MAPK10: variants seen among roughly 807,000 people sequenced by gnomAD.
MAPK10 encodes JNK3 alpha protein kinase.
In MAPK10, 25 loss-of-function variants were observed where a neutral mutation model predicts 59.3. The ratio of observed to expected loss-of-function variants is 0.42; its 90% CI spans 0.31 to 0.59. The LOEUF is 0.59. MAPK10 is among the 20% of genes least tolerant of loss of function. The pLI is 0.15. For synonymous variants in MAPK10, 190 were observed against 200.5 expected, an observed-to-expected ratio of 0.95 and a Z score of 0.44; for missense variants, 351 against 568.9, an observed-to-expected ratio of 0.62 and a Z score of 3.90.
chr4:86,262,406 G>T (rs2094027773), intron 2 of MAPK10, among the ~76,000 whole-genome samples: 1 of 152,134 alleles, frequency 6.6e-6, no homozygotes, highest in African/African-American at 2.4e-5. Flanking sequence ...CCCTGTTGTA[G>T]CCGCATAAAG....
At chr4:86,312,428 A>G (rs1279730934) in intron 2 of MAPK10, among the ~76,000 whole-genome samples, 1 of 152,106 alleles carries the variant, frequency 6.6e-6, no homozygotes, top group African/African-American at 2.4e-5. Flanking sequence ...CTCACCGTAT[A>G]TATAAAGCAA....
intron 11 of MAPK10, among the ~76,000 whole-genome samples, chr4:86,047,698 C>G (rs1306952971): frequency 6.6e-6 from 1 of 152,062 alleles, no homozygotes; most frequent in East Asian, 1.9e-4. Flanking sequence ...TGTAAAACAC[C>G]CTTCTTACTA....
intron 2 of MAPK10, among the ~76,000 whole-genome samples, chr4:86,348,897 A>G (rs1485752308): frequency 6.6e-6 from 1 of 151,990 alleles, no homozygotes; most frequent in Non-Finnish European, 1.5e-5. Flanking sequence ...AAAACACTAT[A>G]ATTTTTCTTG....
intron 1 of MAPK10, among the ~76,000 whole-genome samples, chr4:86,508,824 A>T (rs1325827377): frequency 6.6e-6 from 1 of 152,198 alleles, no homozygotes; most frequent in African/African-American, 2.4e-5. Context: ...TTTGCTCTGG[A>T]GAAATTAGTC....
At chr4:86,197,047 T>G (rs1395018314) in intron 2 of MAPK10, among the ~76,000 whole-genome samples, 1 of 152,178 alleles carries the variant, frequency 6.6e-6, no homozygotes, top group African/African-American at 2.4e-5. Context: ...ATATGGGCTC[T>G]TTTTTGGTTC....
At chr4:86,189,610 CTT>C (rs1318908004) in intron 3 of MAPK10, among the ~76,000 whole-genome samples, 3 of 152,136 alleles carry the variant, frequency 2.0e-5, no homozygotes, top group African/African-American at 7.2e-5. Context: ...TATCTTGAGA[CTT>C]TGCTGAAGTT....
At chr4:86,544,453 G>C (rs1313184773) in intron 1 of MAPK10, among the ~76,000 whole-genome samples, 1 of 152,164 alleles carries the variant, frequency 6.6e-6, no homozygotes, top group Non-Finnish European at 1.5e-5. Context: ...GAGCAGTGTA[G>C]GAAGCCACAA....
chr4:86,216,853 A>G (rs2148625830), intron 2 of MAPK10, among the ~76,000 whole-genome samples: 1 of 152,274 alleles, frequency 6.6e-6, no homozygotes, highest in Middle Eastern at 3.4e-3. Flanking sequence ...TATAGATAGA[A>G]ATATGCACAT....
intron 1 of MAPK10, among the ~76,000 whole-genome samples, chr4:86,474,753 A>G (rs539439612): frequency 3.9e-4 from 60 of 152,344 alleles, no homozygotes; most frequent in African/African-American, 1.4e-3. Flanking sequence ...AAATGAAGGA[A>G]TTAATAAATG....
At chr4:86,189,974 C>T (rs755894938) in intron 3 of MAPK10, among the ~76,000 whole-genome samples, 8 of 152,058 alleles carry the variant, frequency 5.3e-5, no homozygotes, top group East Asian at 1.9e-4. Context: ...TGAATTTTAT[C>T]GAAGGCCTTT....
chr4:86,263,301 A>G (rs1457899562), intron 2 of MAPK10, among the ~76,000 whole-genome samples: 8 of 152,118 alleles, frequency 5.3e-5, no homozygotes, highest in Non-Finnish European at 1.2e-4. Flanking sequence ...CAACTGGAAT[A>G]CCTTTTCTTT....
In MAPK10 at chr4:86,478,558, A is replaced by G. The variant is rs548847420; in HGVS notation, c.-263+115352T>C. On this transcript the variant is annotated intron_variant, in intron 1 of 4. Coordinates refer to the MAPK10 transcript ENST00000502302. ...ATTTTCTTCCTCACACCTGACACAT[A>G]TACTTTCTGCTCCCCGGCTCCTTCA... Among the ~76,000 whole-genome samples, 14 of 152,194 alleles carry G rather than the reference A, an allele frequency of 9.2e-5. No individual in the cohort carries two copies. The South Asian group carries it at 2.1e-3, about 23-fold the overall frequency.
At position 86,158,082 on chromosome 4, in the gene MAPK10, T is replaced by C. The variant is rs188438560; in HGVS notation, c.236+1216A>G. On this transcript the variant is annotated intron_variant, in intron 4 of 13. Transcript: ENST00000641462. ...AGAGTTACAGCAATTGTCTTAATAT[T>C]AGAATCTTTACTATACCATGTGCAT... Among the ~76,000 whole-genome samples the C allele has an allele frequency of 1.4e-4, 21 of 152,122 alleles. 1 individual carries two copies. The East Asian group carries it at 3.1e-3, about 22-fold the overall frequency.
At chr4:86,580,220 C>T (rs1171104702) in intron 1 of MAPK10, among the ~76,000 whole-genome samples, 5 of 152,044 alleles carry the variant, frequency 3.3e-5, no homozygotes, top group African/African-American at 4.8e-5. Context: ...AAAAGTTGGC[C>T]GGACGCTGTG....
intron 9 of MAPK10, among the ~76,000 whole-genome samples, chr4:86,086,838 T>A (rs1009521870): frequency 7.2e-5 from 11 of 152,184 alleles, no homozygotes; most frequent in African/African-American, 2.4e-4. Flanking sequence ...TTATTTGATA[T>A]TCAGTGTTCA....
chr4:86,556,049 C>T (rs1442211512), intron 1 of MAPK10, among the ~76,000 whole-genome samples: 7 of 152,146 alleles, frequency 4.6e-5, no homozygotes, highest in Non-Finnish European at 1.0e-4. Flanking sequence ...TTTTACAGTC[C>T]ATTGCATTTT....
intron 4 of MAPK10, among the ~76,000 whole-genome samples, chr4:86,148,949 T>C (rs1000430344): frequency 2.6e-5 from 4 of 152,146 alleles, no homozygotes; most frequent in African/African-American, 7.2e-5. Context: ...AGATGATCAA[T>C]AAAAGGTTAG....
chr4:86,262,184 T>C (rs1031389308), intron 2 of MAPK10, among the ~76,000 whole-genome samples: 1 of 152,220 alleles, frequency 6.6e-6, no homozygotes, highest in Non-Finnish European at 1.5e-5. Flanking sequence ...ATTAGGTCAC[T>C]ATAGCGGGAG....
At chr4:86,045,024 C>T (rs753637410) in intron 11 of MAPK10, among the ~76,000 whole-genome samples, 3 of 152,018 alleles carry the variant, frequency 2.0e-5, no homozygotes, top group South Asian at 2.1e-4. Context: ...CATTAGGTGA[C>T]CAGAGGAACC....
Sources: allele counts gnomAD v4.1 joint callset (sites outside exome capture counted in the v4.1 genomes callset), GRCh38; gene constraint gnomAD v4.1.1; transcripts MANE v1.5; gene names NCBI Gene and HGNC (gene_info 2026-07-23, HGNC 2026-07-21).